Variants in MRC1 observed in about 807,000 individuals in gnomAD.
MRC1 encodes the protein mannose receptor C-type 1.
MRC1 carries 62 observed loss-of-function variants against 102.9 expected under a neutral mutation model. The ratio of observed to expected loss-of-function variants is 0.60; its 90% CI spans 0.49 to 0.74. The LOEUF is 0.74. MRC1 is among the 30% of genes least tolerant of loss of function. The pLI is 0.00. For missense variants in MRC1, 1,237 were observed against 862.8 expected, an observed-to-expected ratio of 1.43 and a Z score of -5.43; for synonymous variants, 457 against 298.4, an observed-to-expected ratio of 1.53 and a Z score of -5.48.
At chr10:17,904,096 T>C (rs1464590528) in intron 26 of MRC1, among the ~76,000 whole-genome samples, 2 of 152,226 alleles carry the variant, frequency 1.3e-5, no homozygotes, top group Non-Finnish European at 2.9e-5. Flanking sequence ...CTTTATCCAT[T>C]GCATACCCAT....
At chr10:17,828,033 T>A (rs1371526723) in intron 3 of MRC1, among the ~76,000 whole-genome samples, 1 of 152,192 alleles carries the variant, frequency 6.6e-6, no homozygotes, top group East Asian at 1.9e-4. Context: ...GACTAGACTG[T>A]ACCCCCATGG....
chr10:17,889,816 TAAC>T (rs1412312809), intron 22 of MRC1, among the ~76,000 whole-genome samples: 2 of 152,246 alleles, frequency 1.3e-5, no homozygotes, highest in Non-Finnish European at 2.9e-5. Flanking sequence ...CATAGTTGTT[TAAC>T]AACAACTATA....
At position 17,832,971 on chromosome 10, in the gene MRC1, G is replaced by T. The variant is rs1034542642; in HGVS notation, c.638-704G>T. Among the ~76,000 whole-genome samples the T allele has an allele frequency of 1.8e-3, 280 of 152,236 alleles. 1 individual carries two copies. The highest frequency in any genetic ancestry group is 6.1e-3 in the African/African-American group (255 of 41,550). On this transcript the variant is annotated intron_variant, in intron 3 of 29. Transcript: ENST00000569591. ...GCATCATGGCAAAGTCTGGGTACCC[G>T]AACTGTGAACATTGTACCCAATGGA...
At chr10:17,908,030 C>T (rs1443778517) in intron 28 of MRC1, among the ~76,000 whole-genome samples, 1 of 152,168 alleles carries the variant, frequency 6.6e-6, no homozygotes, top group Non-Finnish European at 1.5e-5. Context: ...AAGCCAGTAC[C>T]AGCCCAAACC....
chr10:17,845,497 C>A (rs1040831570), intron 6 of MRC1, 62 bp downstream of exon 6: 59 of 778,450 alleles, frequency 7.6e-5, no homozygotes, highest in Non-Finnish European at 1.3e-4. Flanking sequence ...AGTAACATTA[C>A]AGCTTAGGTG....
intron 24 of MRC1, among the ~76,000 whole-genome samples, chr10:17,898,530 A>T (rs1443695377): frequency 2.0e-5 from 3 of 152,250 alleles, no homozygotes; most frequent in African/African-American, 7.2e-5. Flanking sequence ...TATGAAAATT[A>T]TATTCCAAAT....
chr10:17,829,634 T>C (rs1317456425), intron 3 of MRC1, among the ~76,000 whole-genome samples: 1 of 151,612 alleles, frequency 6.6e-6, no homozygotes, highest in East Asian at 1.9e-4. Context: ...AAAGCAATAC[T>C]TGGTTTTCAA....
chr10:17,841,247 G>C (rs937051947), intron 5 of MRC1, among the ~76,000 whole-genome samples: 2 of 152,192 alleles, frequency 1.3e-5, no homozygotes, highest in African/African-American at 2.4e-5. Context: ...CAAGTGGATT[G>C]AAATTATTTT....
At chr10:17,830,541 A>T (rs1838555030) in intron 3 of MRC1, among the ~76,000 whole-genome samples, 1 of 151,292 alleles carries the variant, frequency 6.6e-6, no homozygotes, top group Non-Finnish European at 1.5e-5. Flanking sequence ...TGTCCGTTGC[A>T]TTGTTTATTG....
At chr10:17,823,540 TC>T in intron 2 of MRC1, 65 bp downstream of exon 2, 1 of 776,620 alleles carries the variant, frequency 1.3e-6, no homozygotes, top group Non-Finnish European at 2.4e-6. Context: ...GGAACCTGAT[TC>T]AAGAAAATCA....
chr10:17,809,969 C>T (rs1247173889), intron 1 of MRC1, among the ~76,000 whole-genome samples: 2 of 152,228 alleles, frequency 1.3e-5, no homozygotes, highest in Non-Finnish European at 2.9e-5. Flanking sequence ...GTCTTAGGTC[C>T]GAGGGTATCA....
chr10:17,883,009 GA>G (rs1833540391), intron 21 of MRC1, among the ~76,000 whole-genome samples: 1 of 152,122 alleles, frequency 6.6e-6, no homozygotes. Flanking sequence ...GTTGTAGGCA[GA>G]AAAAAAGTGC....
chr10:17,863,992 G>A (rs899609942), intron 11 of MRC1, among the ~76,000 whole-genome samples: 1 of 150,958 alleles, frequency 6.6e-6, no homozygotes, highest in Non-Finnish European at 1.5e-5. Context: ...GGTTTCAAAT[G>A]GTTGACTCTT....
At chr10:17,837,784 A>T (rs1334635359) in intron 4 of MRC1, among the ~76,000 whole-genome samples, 1 of 151,988 alleles carries the variant, frequency 6.6e-6, no homozygotes, top group Non-Finnish European at 1.5e-5. Context: ...GTATTTTAGT[A>T]GACACAGGGT....
At position 17,856,223 on chromosome 10, in the gene MRC1, C is replaced by G. The variant is rs1016261788; in HGVS notation, c.1408-19C>G. Reference sequence around the variant, plus strand: ...AACTGATAATCCTTTATTTTTTTCTCTCTCTCTGCTCCCTGCAGGATGGGT... The same window carrying G: ...AACTGATAATCCTTTATTTTTTTCTGTCTCTCTGCTCCCTGCAGGATGGGT... On this transcript the variant is annotated intron_variant, in intron 8 of 29. Coordinates refer to ENST00000569591, the MANE Select transcript of MRC1 (RefSeq NM_002438.4). 1.1e-3 allele frequency: 780 copies of G among 707,544 alleles called. No homozygotes were observed. Among genetic ancestry groups the G allele is most frequent in the African/African-American group, 5.8e-3 (311 of 53,992 alleles). The allele number at this position is 707,544 out of a possible 1,614,324, so 43.8% of individuals were successfully genotyped here. A position where few individuals can be genotyped will look rare whatever the true frequency, so the allele number is the denominator to read the frequency against.
At chr10:17,895,561 T>C (rs1833742706) in intron 23 of MRC1, among the ~76,000 whole-genome samples, 1 of 152,224 alleles carries the variant, frequency 6.6e-6, no homozygotes, top group Non-Finnish European at 1.5e-5. Flanking sequence ...CTTGTGTGCC[T>C]TAAACATGTG....
intron 2 of MRC1, among the ~76,000 whole-genome samples, chr10:17,826,670 T>C (rs1838480730): frequency 6.6e-6 from 1 of 152,262 alleles, no homozygotes; most frequent in Non-Finnish European, 1.5e-5. Flanking sequence ...GTTTGGTTCT[T>C]AGTGGAGAGA....
At chr10:17,839,991 G>A (rs1357670630) in intron 4 of MRC1, among the ~76,000 whole-genome samples, 1 of 147,886 alleles carries the variant, frequency 6.8e-6, no homozygotes, top group Non-Finnish European at 1.5e-5. Context: ...GCTTGAACCC[G>A]AGAGGAGGAG....
In MRC1 at chr10:17,906,975, A is replaced by G. The variant is rs1833903884; in HGVS notation, c.3889A>G (p.Ile1297Val). Residue 1297 changes from isoleucine to valine, a missense_variant, in exon 27 of 30, where the codon ATA becomes GTA. Transcript: ENST00000569591. ...EPLKSKTNFWIGLFRNVEGTW... is the reference protein window; with the variant it reads ...EPLKSKTNFWVGLFRNVEGTW... ...ACTTAAAAGTAAAACCAATTTTTGG[A>G]TAGGATTGTTCAGAAATGTTGAAGG... 14 of 791,496 alleles carry G rather than the reference A, an allele frequency of 1.8e-5. No individual in the cohort carries two copies. The highest frequency in any genetic ancestry group is 1.3e-4 in the South Asian group (10 of 74,874). The allele number at this position is 791,496 out of a possible 1,614,324, so 49.0% of individuals were successfully genotyped here.
Sources: gnomAD v4.1 joint callset for allele counts (sites outside exome capture counted in the v4.1 genomes callset) on GRCh38, gnomAD v4.1.1 for gene constraint, MANE v1.5 for transcripts, NCBI Gene and HGNC (gene_info 2026-07-23, HGNC 2026-07-21) for gene names.